The following BMPR1B variants were observed in gnomAD, a reference collection of about 807,000 sequenced individuals.
BMPR1B encodes bone morphogenetic protein receptor type-1B.
Under a neutral mutation model 59.1 loss-of-function variants are expected in BMPR1B, and 12 were observed. The observed-to-expected ratio is 0.20, with a 90% CI of 0.13 to 0.33. The LOEUF is 0.33. Among genes scored for constraint, BMPR1B ranks in the 10% least tolerant of loss-of-function variants. BMPR1B has a pLI of 1.00. For synonymous variants in BMPR1B, 237 were observed against 207.3 expected, an observed-to-expected ratio of 1.14 and a Z score of -1.23; for missense variants, 550 against 610.9, an observed-to-expected ratio of 0.90 and a Z score of 1.05.
chr4:94,839,589 C>CT (rs1381707098), intron 1 of BMPR1B, among the ~76,000 whole-genome samples: 4 of 149,080 alleles, frequency 2.7e-5, no homozygotes, highest in African/African-American at 9.9e-5. Flanking sequence ...CAACCCCTGC[C>CT]TTTTTTTGTT....
rs1401369247 is a variant in BMPR1B at position 95,025,425 on chromosome 4, A to C, written c.-18+29291A>C. Among the ~76,000 whole-genome samples, 7 of 152,166 alleles carry C rather than the reference A, an allele frequency of 4.6e-5. No individual in the cohort carries two copies. In the South Asian group the frequency reaches 1.5e-3, roughly 32 times the overall value. ...TAATAGACTCACAAGAGGCTGTTACAGTAGTTTCTGCAAGACAGATGATGG... is the reference window on the plus strand; with the variant it reads ...TAATAGACTCACAAGAGGCTGTTACCGTAGTTTCTGCAAGACAGATGATGG... On this transcript the variant is annotated intron_variant, in intron 3 of 12. Coordinates refer to ENST00000515059, the MANE Select transcript of BMPR1B (RefSeq NM_001203.3).
chr4:94,866,477 G>A (rs114675456), intron 1 of BMPR1B, among the ~76,000 whole-genome samples: 3,338 of 151,832 alleles, frequency 0.022, 108 homozygotes, highest in African/African-American at 0.076. Context: ...CTCTTTTCCC[G>A]TCCAAAATCC....
At chr4:94,841,085 G>A (rs1263507543) in intron 1 of BMPR1B, among the ~76,000 whole-genome samples, 2 of 148,546 alleles carry the variant, frequency 1.3e-5, no homozygotes, top group Non-Finnish European at 3.0e-5. Flanking sequence ...GGGTGTCAGG[G>A]GTCAGGGACC....
intron 1 of BMPR1B, among the ~76,000 whole-genome samples, chr4:94,772,120 G>A (rs2110573383): frequency 6.6e-6 from 1 of 152,266 alleles, no homozygotes; most frequent in Middle Eastern, 3.4e-3. Flanking sequence ...TTATCCTTCT[G>A]ATTTGATTCA....
At chr4:94,847,070 G>A (rs1255647752) in intron 1 of BMPR1B, among the ~76,000 whole-genome samples, 2 of 152,124 alleles carry the variant, frequency 1.3e-5, no homozygotes, top group Non-Finnish European at 2.9e-5. Flanking sequence ...TAAATAACCA[G>A]AAAATATAAG....
In BMPR1B at chr4:94,824,075, C is replaced by A. The variant is rs186150428; in HGVS notation, c.-182-51756C>A. Among the ~76,000 whole-genome samples the A allele has an allele frequency of 1.8e-3, 269 of 152,220 alleles. 1 individual carries two copies. The highest frequency in any genetic ancestry group is 2.6e-3 in the Non-Finnish European group (175 of 68,016). ...TCCTTTTAGTTTTTAGAGTTTAAAG[C>A]CTTATTTGGTGTTTAAATTTCTTTC... On this transcript the variant is annotated intron_variant, in intron 1 of 12. Transcript: ENST00000515059.
At chr4:94,778,766 TTAA>T (rs1308702828) in intron 1 of BMPR1B, among the ~76,000 whole-genome samples, 4 of 152,194 alleles carry the variant, frequency 2.6e-5, no homozygotes, top group African/African-American at 9.6e-5. Context: ...TTCATGATTG[TTAA>T]TGATGATGAG....
intron 1 of BMPR1B, among the ~76,000 whole-genome samples, chr4:94,843,711 A>G (rs1379807654): frequency 2.6e-5 from 4 of 151,708 alleles, no homozygotes; most frequent in Admixed American, 6.6e-5. Context: ...GCTCTATTCA[A>G]AAGAGGTGTG....
At chr4:95,060,655 C>G (rs1579009790) in intron 3 of BMPR1B, among the ~76,000 whole-genome samples, 1 of 152,274 alleles carries the variant, frequency 6.6e-6, no homozygotes. Context: ...GCCTGGAAAT[C>G]TGTTCAGAGT....
intron 3 of BMPR1B, among the ~76,000 whole-genome samples, chr4:95,103,132 T>TATTGA (rs1730946498): frequency 6.6e-6 from 1 of 152,130 alleles, no homozygotes; most frequent in African/African-American, 2.4e-5. Flanking sequence ...AATTCTGATA[T>TATTGA]ATTGACAACA....
intron 2 of BMPR1B, among the ~76,000 whole-genome samples, chr4:94,900,097 A>G (rs1727751260): frequency 6.6e-6 from 1 of 151,952 alleles, no homozygotes; most frequent in Non-Finnish European, 1.5e-5. Flanking sequence ...TTGCATAAAC[A>G]AGATTGGAAT....
chr4:95,111,281 T>A (rs1731616639), intron 4 of BMPR1B, among the ~76,000 whole-genome samples: 1 of 152,118 alleles, frequency 6.6e-6, no homozygotes, highest in Non-Finnish European at 1.5e-5. Flanking sequence ...TTTATGAAGA[T>A]CTAAACTGTT....
chr4:94,871,145 C>T (rs1483664453), intron 1 of BMPR1B, among the ~76,000 whole-genome samples: 1 of 152,160 alleles, frequency 6.6e-6, no homozygotes, highest in African/African-American at 2.4e-5. Context: ...TGCCCGATGT[C>T]ACACAGCCAG....
intron 1 of BMPR1B, among the ~76,000 whole-genome samples, chr4:94,799,817 A>G (rs979797475): frequency 1.3e-4 from 20 of 152,020 alleles, no homozygotes; most frequent in Non-Finnish European, 2.1e-4. Context: ...CAGCCTCCCA[A>G]GTAGCTGGGA....
At chr4:94,787,750 G>A (rs1722814389) in intron 1 of BMPR1B, among the ~76,000 whole-genome samples, 4 of 152,240 alleles carry the variant, frequency 2.6e-5, no homozygotes, top group Admixed American at 2.0e-4. Flanking sequence ...GGGGCTCTAG[G>A]CGAGAACTTA....
intron 1 of BMPR1B, among the ~76,000 whole-genome samples, chr4:94,841,207 T>G (rs530655521): frequency 6.7e-6 from 1 of 149,550 alleles, no homozygotes; most frequent in Non-Finnish European, 1.5e-5. Context: ...AGGTTACTGC[T>G]GTCTTTTTGT....
intron 2 of BMPR1B, among the ~76,000 whole-genome samples, chr4:94,914,021 A>G (rs761889498): frequency 1.3e-5 from 2 of 152,196 alleles, no homozygotes; most frequent in African/African-American, 4.8e-5. Flanking sequence ...TGAAATTTCA[A>G]GTCTAACAAG....
chr4:94,989,544 G>T (rs2149096498), intron 2 of BMPR1B, among the ~76,000 whole-genome samples: 1 of 152,136 alleles, frequency 6.6e-6, no homozygotes, highest in Middle Eastern at 3.4e-3. Context: ...TTATTACCAA[G>T]CTAAAAGTAC....
At chr4:94,806,626 T>G (rs1560494093) in intron 1 of BMPR1B, among the ~76,000 whole-genome samples, 1 of 152,320 alleles carries the variant, frequency 6.6e-6, no homozygotes, top group East Asian at 1.9e-4. Flanking sequence ...TACTGTGTTA[T>G]AGGTCAAAAT....
Sources: allele counts gnomAD v4.1 joint callset (sites outside exome capture counted in the v4.1 genomes callset), GRCh38; gene constraint gnomAD v4.1.1; transcripts MANE v1.5; gene names NCBI Gene and HGNC (gene_info 2026-07-23, HGNC 2026-07-21).